Variants in IGF1R observed in about 807,000 individuals in gnomAD.
The protein encoded by IGF1R is insulin-like growth factor 1 receptor.
In IGF1R, 44 loss-of-function variants were observed where a neutral mutation model predicts 144.6. The observed-to-expected ratio is 0.30, with a 90% CI of 0.24 to 0.39. The LOEUF (loss-of-function observed/expected upper bound fraction) is 0.39, where lower values mean the gene tolerates loss of function less well. Ranked by LOEUF, IGF1R falls within the 10% of genes least tolerant of loss-of-function variation. The pLI, the probability that IGF1R is intolerant of heterozygous loss-of-function variation, is 1.00. For missense variants in IGF1R, 1,355 were observed against 1,833.7 expected, an observed-to-expected ratio of 0.74 and a Z score of 4.77; for synonymous variants, 795 against 722.8, an observed-to-expected ratio of 1.10 and a Z score of -1.60.
chr15:98,847,528 C>T (rs1310267821), intron 2 of IGF1R, among the ~76,000 whole-genome samples: 2 of 152,172 alleles, frequency 1.3e-5, no homozygotes, highest in Non-Finnish European at 2.9e-5. Flanking sequence ...TACCCACCAC[C>T]TAGAATGGAA....
chr15:98,818,694 T>C (rs183257776), intron 2 of IGF1R, among the ~76,000 whole-genome samples: 52 of 152,086 alleles, frequency 3.4e-4, no homozygotes, highest in African/African-American at 9.9e-4. Flanking sequence ...TATTGCAAAA[T>C]GTTCAGCAGC....
chr15:98,848,208 G>C (rs571856969), intron 2 of IGF1R, among the ~76,000 whole-genome samples: 3 of 152,190 alleles, frequency 2.0e-5, no homozygotes, highest in Non-Finnish European at 4.4e-5. Context: ...TTTTGGGTGA[G>C]AGTTTGATTA....
At chr15:98,826,924 G>T (rs112126639) in intron 2 of IGF1R, among the ~76,000 whole-genome samples, 4 of 152,232 alleles carry the variant, frequency 2.6e-5, no homozygotes, top group African/African-American at 9.6e-5. Flanking sequence ...AAAAGTCTAC[G>T]GGGTTTATAA....
intron 2 of IGF1R, chr15:98,890,822 C>T (rs1481461336): frequency 5.1e-6 from 1 of 196,378 alleles, no homozygotes; most frequent in Non-Finnish European, 1.1e-5. Flanking sequence ...ATCATCTTTA[C>T]TATAGTGTAG....
rs1596137296 is a variant in IGF1R, at chr15:98,649,451, C to T, written c.-131C>T. The T allele has an allele frequency of 2.5e-5, 17 of 676,908 alleles. No individual in the cohort carries two copies. The South Asian group carries it at 2.6e-4, about 10-fold the overall frequency. The allele number at this position is 676,908 out of a possible 1,614,324, so 41.9% of individuals were successfully genotyped here. ...GCCTTCGGAGTATTGTTTCCTTCGC[C>T]CTTGTTTTTGGAGGGGGAGCGAAGA... is the stretch of plus-strand genomic sequence containing the variant. On this transcript the variant is annotated 5_prime_UTR_variant, in exon 1 of 21. Coordinates refer to ENST00000650285, the MANE Select transcript of IGF1R (RefSeq NM_000875.5).
At chr15:98,750,558 T>C (rs2054985032) in intron 2 of IGF1R, among the ~76,000 whole-genome samples, 1 of 152,192 alleles carries the variant, frequency 6.6e-6, no homozygotes, top group Admixed American at 6.5e-5. Flanking sequence ...GCAAAGTGGC[T>C]CATGCCTGTA....
chr15:98,700,191 G>T (rs529887785), intron 1 of IGF1R, among the ~76,000 whole-genome samples: 1 of 152,126 alleles, frequency 6.6e-6, no homozygotes, highest in African/African-American at 2.4e-5. Flanking sequence ...TTCTCTGAGC[G>T]CAAGGAGGGT....
In IGF1R at chr15:98,961,867, TTTC is replaced by T. The variant is rs1176206119; in HGVS notation, c.*4428_*4430del. On this transcript the variant is annotated 3_prime_UTR_variant, in exon 21 of 21. Coordinates refer to ENST00000650285, the MANE Select transcript of IGF1R (RefSeq NM_000875.5). ...GGCCGACCTGGCCTCTCCTGGCCTG[TTTC>T]TTAAGATGCGGAGTCACATTTCAAT... 3.4e-5 allele frequency: 8 copies of T among 233,188 alleles called. No individual in the cohort carries two copies. Among genetic ancestry groups the T allele is most frequent in the African/African-American group, 8.8e-5 (4 of 45,346 alleles). The allele number at this position is 233,188 out of a possible 1,614,324, so 14.4% of individuals were successfully genotyped here. A position where few individuals can be genotyped will look rare whatever the true frequency, so the allele number is the denominator to read the frequency against.
intron 2 of IGF1R, among the ~76,000 whole-genome samples, chr15:98,716,125 C>T (rs991117063): frequency 3.0e-4 from 46 of 152,130 alleles, no homozygotes; most frequent in African/African-American, 9.9e-4. Context: ...TTCCTAGGGA[C>T]GGTTGCCACG....
intron 2 of IGF1R, among the ~76,000 whole-genome samples, chr15:98,779,830 C>A (rs958818661): frequency 6.6e-6 from 1 of 152,132 alleles, no homozygotes; most frequent in African/African-American, 2.4e-5. Flanking sequence ...CCTGTTGGCA[C>A]AGGGGTGAAG....
chr15:98,880,676 A>T (rs550053543), intron 2 of IGF1R: 1 of 152,340 alleles, frequency 6.6e-6, no homozygotes, highest in Non-Finnish European at 1.5e-5. Flanking sequence ...AGCTTGACAT[A>T]GCCTATAAGA....
intron 2 of IGF1R, among the ~76,000 whole-genome samples, chr15:98,750,212 G>T (rs1195418459): frequency 1.3e-5 from 2 of 152,216 alleles, no homozygotes; most frequent in Non-Finnish European, 2.9e-5. Flanking sequence ...CCTCACATCA[G>T]GTGACACTGG....
At chr15:98,915,462 A>G (rs2015202220) in intron 8 of IGF1R, among the ~76,000 whole-genome samples, 1 of 151,894 alleles carries the variant, frequency 6.6e-6, no homozygotes, top group Non-Finnish European at 1.5e-5. Flanking sequence ...GGGCATGCAC[A>G]CTCCTTCACA....
In IGF1R at chr15:98,957,614, A is replaced by G; in HGVS notation, c.*172A>G. The G allele has an allele frequency of 1.3e-6, 1 of 764,760 alleles. No individual in the cohort carries two copies. The highest frequency in any genetic ancestry group is 2.1e-6 in the Non-Finnish European group (1 of 473,970). 47.4% of individuals were successfully genotyped at this position (764,760 alleles called of 1,614,324 possible). A position where few individuals can be genotyped will look rare whatever the true frequency, so the allele number is the denominator to read the frequency against. On this transcript the variant is annotated 3_prime_UTR_variant, in exon 21 of 21. Coordinates refer to ENST00000650285, the MANE Select transcript of IGF1R (RefSeq NM_000875.5). ...TTCTCTGCAGTAAAACACATTTGGG[A>G]TGTTCCTTTTTTCAATATGCAAGCA...
intron 20 of IGF1R, among the ~76,000 whole-genome samples, chr15:98,956,144 G>A (rs574154047): frequency 2.0e-5 from 3 of 152,214 alleles, no homozygotes; most frequent in Non-Finnish European, 4.4e-5. Flanking sequence ...TTGTCCACGT[G>A]TGGCCGGCTG....
At chr15:98,677,227 A>G (rs1225914605) in intron 1 of IGF1R, among the ~76,000 whole-genome samples, 1 of 152,158 alleles carries the variant, frequency 6.6e-6, no homozygotes, top group East Asian at 1.9e-4. Context: ...GTGAGCCACC[A>G]TGCCTGACCT....
intron 2 of IGF1R, among the ~76,000 whole-genome samples, chr15:98,781,056 A>G (rs1027029856): frequency 1.1e-4 from 17 of 152,240 alleles, no homozygotes; most frequent in Non-Finnish European, 2.4e-4. Context: ...CAGGAGGTCA[A>G]GACTACAGTG....
chr15:98,685,745 C>T (rs770819486), intron 1 of IGF1R, among the ~76,000 whole-genome samples: 29 of 152,316 alleles, frequency 1.9e-4, no homozygotes, highest in Non-Finnish European at 3.4e-4. Context: ...TCAGGTCTAG[C>T]GGCAGGTCCC....
chr15:98,880,875 T>A (rs2013335390), intron 2 of IGF1R: 1 of 152,206 alleles, frequency 6.6e-6, no homozygotes, highest in East Asian at 1.9e-4. Context: ...TATAACCATA[T>A]GTAAGTGACT....
Sources: gnomAD v4.1 joint callset for allele counts (sites outside exome capture counted in the v4.1 genomes callset) on GRCh38, gnomAD v4.1.1 for gene constraint, MANE v1.5 for transcripts, NCBI Gene and HGNC (gene_info 2026-07-23, HGNC 2026-07-21) for gene names.